ACTN1: variants seen among roughly 807,000 people sequenced by gnomAD.
ACTN1 encodes the protein actinin alpha 1.
A neutral mutation model predicts 119.6 loss-of-function variants in ACTN1; 30 were observed. The observed-to-expected ratio is 0.25, with a 90% CI of 0.19 to 0.34. The LOEUF (loss-of-function observed/expected upper bound fraction) is 0.34, where lower values mean the gene tolerates loss of function less well. ACTN1 is among the 10% of genes least tolerant of loss of function. ACTN1 has a pLI of 1.00. For missense variants in ACTN1, 764 were observed against 1,223.4 expected, an observed-to-expected ratio of 0.62 and a Z score of 5.60; for synonymous variants, 429 against 472.6, an observed-to-expected ratio of 0.91 and a Z score of 1.20.
At chr14:68,889,121 G>T (rs2032270664) in intron 11 of ACTN1, among the ~76,000 whole-genome samples, 1 of 152,212 alleles carries the variant, frequency 6.6e-6, no homozygotes, top group African/African-American at 2.4e-5. Context: ...TAGGCAGCCT[G>T]TTCCCCACCT....
At chr14:68,924,086 G>A (rs558871109) in intron 2 of ACTN1, among the ~76,000 whole-genome samples, 16 of 152,202 alleles carry the variant, frequency 1.1e-4, no homozygotes, top group Non-Finnish European at 1.3e-4. Context: ...GAGACAAAAA[G>A]TAGAATGGTG....
At chr14:68,876,719 G>T (rs924289440) in intron 21 of ACTN1, among the ~76,000 whole-genome samples, 3 of 152,136 alleles carry the variant, frequency 2.0e-5, no homozygotes, top group Non-Finnish European at 4.4e-5. Context: ...ATTATAGTCC[G>T]TGCCGATGCG....
At chr14:68,919,166 T>C (rs889747982) in intron 3 of ACTN1, among the ~76,000 whole-genome samples, 5 of 152,240 alleles carry the variant, frequency 3.3e-5, no homozygotes, top group Non-Finnish European at 7.3e-5. Flanking sequence ...TTTCAAAAAA[T>C]CTGGATTTCT....
At chr14:68,951,084 T>C (rs8018371) in intron 1 of ACTN1, among the ~76,000 whole-genome samples, 4,870 of 152,190 alleles carry the variant, frequency 0.032, 268 homozygotes, top group African/African-American at 0.11. Context: ...GGCAGCTGGA[T>C]AGCACAGGCC....
chr14:68,974,557 C>A (rs2037000417), intron 1 of ACTN1, among the ~76,000 whole-genome samples: 3 of 151,984 alleles, frequency 2.0e-5, no homozygotes, highest in South Asian at 4.2e-4. Context: ...CAACATCACA[C>A]ACACACACAC....
chr14:68,977,220 C>G (rs972040181), intron 1 of ACTN1, among the ~76,000 whole-genome samples: 18 of 152,224 alleles, frequency 1.2e-4, no homozygotes, highest in African/African-American at 4.3e-4. Flanking sequence ...CTCAAGAAGG[C>G]TTCACCCTGA....
intron 1 of ACTN1, among the ~76,000 whole-genome samples, chr14:68,927,713 T>C (rs532324686): frequency 6.6e-6 from 1 of 152,372 alleles, no homozygotes; most frequent in African/African-American, 2.4e-5. Context: ...CTTCCTCCGC[T>C]GCTGGCACTG....
rs975756680 is a variant in ACTN1, at chr14:68,885,300, C to G, written c.1385+125G>C. On this transcript the variant is annotated intron_variant, in intron 12 of 21. Transcript: ENST00000394419. The surrounding 1 kb of genome is among the most constrained non-coding windows in gnomAD (Gnocchi z 5.6). The stretch of plus-strand genomic sequence containing the variant: ...TTGTCTCCTGCGTTGACTCCCTCCC[C>G]ACCTGGGCACCCACCTGTACCCACC... 2.3e-6 allele frequency: 3 copies of G among 1,287,130 alleles called. No individual in the cohort carries two copies. The highest frequency in any genetic ancestry group is 3.1e-6 in the Non-Finnish European group (3 of 960,840). 79.7% of individuals were successfully genotyped at this position (1,287,130 alleles called of 1,614,324 possible). A position where few individuals can be genotyped will look rare whatever the true frequency, so the allele number is the denominator to read the frequency against.
intron 1 of ACTN1, among the ~76,000 whole-genome samples, chr14:68,928,561 T>C (rs186268773): frequency 1.3e-3 from 204 of 152,360 alleles, no homozygotes; most frequent in African/African-American, 4.6e-3. Context: ...ATTTACTGGC[T>C]GTGTGACCTT....
At chr14:68,876,382 C>G (rs528186710) in intron 21 of ACTN1, among the ~76,000 whole-genome samples, 1 of 152,152 alleles carries the variant, frequency 6.6e-6, no homozygotes, top group Admixed American at 6.5e-5. Context: ...CCCACCCCAC[C>G]CCCACCATTT....
Position 68,909,245 on chromosome 14 carries a change from G to A in ACTN1, c.594+73C>T. 7.0e-7 allele frequency: 1 copy of A among 1,429,414 alleles called. No homozygotes were observed. Among genetic ancestry groups the A allele is most frequent in the Non-Finnish European group, 9.8e-7 (1 of 1,016,274 alleles). The allele number at this position is 1,429,414 out of a possible 1,614,324, so 88.5% of individuals were successfully genotyped here. A position where few individuals can be genotyped will look rare whatever the true frequency, so the allele number is the denominator to read the frequency against. ...GCTGGACCATGGACTGTCACAACAAGGGTCCTAGTCCTGCTCTTTTCCCAC... is the reference window on the plus strand; with the variant it reads ...GCTGGACCATGGACTGTCACAACAAAGGTCCTAGTCCTGCTCTTTTCCCAC... On this transcript the variant is annotated intron_variant, in intron 6 of 21. Transcript: ENST00000394419. This position sits in a 1 kb window ranked among gnomAD's most constrained non-coding sequence, Gnocchi z 4.1.
chr14:68,953,054 C>T (rs1317092273), intron 1 of ACTN1, among the ~76,000 whole-genome samples: 2 of 152,102 alleles, frequency 1.3e-5, no homozygotes, highest in Non-Finnish European at 2.9e-5. Context: ...CACAGGGAGT[C>T]AGCCTGCGCA....
At chr14:68,930,838 C>G (rs1349853111) in intron 1 of ACTN1, among the ~76,000 whole-genome samples, 1 of 152,198 alleles carries the variant, frequency 6.6e-6, no homozygotes, top group Non-Finnish European at 1.5e-5. Context: ...TCTATTGTTA[C>G]TATTGCCACC....
chr14:68,928,212 G>A (rs560794741), intron 1 of ACTN1, among the ~76,000 whole-genome samples: 1 of 152,140 alleles, frequency 6.6e-6, no homozygotes, highest in South Asian at 2.1e-4. Flanking sequence ...GTCGTAAAAA[G>A]ACACTGCTTT....
intron 1 of ACTN1, among the ~76,000 whole-genome samples, chr14:68,955,184 C>A (rs2036312784): frequency 1.3e-5 from 2 of 152,230 alleles, no homozygotes; most frequent in Non-Finnish European, 2.9e-5. Flanking sequence ...CAGAGGGTTT[C>A]TTGACCTAGA....
intron 1 of ACTN1, among the ~76,000 whole-genome samples, chr14:68,928,619 T>C (rs566702215): frequency 3.8e-4 from 58 of 152,304 alleles, no homozygotes; most frequent in African/African-American, 1.3e-3. Flanking sequence ...AAAACAGGGA[T>C]AGTAACAGCG....
At chr14:68,888,768 C>T (rs572898657) in intron 11 of ACTN1, among the ~76,000 whole-genome samples, 4 of 152,208 alleles carry the variant, frequency 2.6e-5, no homozygotes, top group South Asian at 2.1e-4. Context: ...TTGTGAACTG[C>T]GCATGCGAGG....
chr14:68,876,767 G>A (rs1008216654), intron 21 of ACTN1, among the ~76,000 whole-genome samples: 1 of 152,174 alleles, frequency 6.6e-6, no homozygotes, highest in African/African-American at 2.4e-5. Flanking sequence ...GGGATTGTCA[G>A]ATGGACTCCA....
chr14:68,978,917 G>GCTGGGGGCTGGGGA, intron 1 of ACTN1, 35 bp downstream of exon 1: 1 of 1,429,036 alleles, frequency 7.0e-7, no homozygotes, highest in Non-Finnish European at 9.5e-7. Context: ...GGGGCTGGGG[G>GCTGGGGGCTGGGGA]CTGGGGGCTG....
Sources: allele counts gnomAD v4.1 joint callset (sites outside exome capture counted in the v4.1 genomes callset), GRCh38; gene constraint gnomAD v4.1.1; non-coding constraint Gnocchi (gnomAD v3.1); transcripts MANE v1.5; gene names NCBI Gene and HGNC (gene_info 2026-07-23, HGNC 2026-07-21).